The following TNRC18 variants were observed in gnomAD, a reference collection of about 807,000 sequenced individuals.
TNRC18 encodes trinucleotide repeat-containing gene 18 protein.
Under a neutral mutation model 226.7 loss-of-function variants are expected in TNRC18, and 69 were observed. The ratio of observed to expected loss-of-function variants is 0.30; its 90% CI spans 0.25 to 0.37. TNRC18 has a LOEUF of 0.37. Ranked by LOEUF, TNRC18 falls within the 10% of genes least tolerant of loss-of-function variation. The pLI is 1.00. For missense variants in TNRC18, 4,754 were observed against 4,256.6 expected, an observed-to-expected ratio of 1.12 and a Z score of -3.25; for synonymous variants, 2,449 against 1,927.6, an observed-to-expected ratio of 1.27 and a Z score of -7.09.
At chr7:5,363,359 T>C (rs549000944) in intron 11 of TNRC18, among the ~76,000 whole-genome samples, 1 of 151,942 alleles carries the variant, frequency 6.6e-6, no homozygotes, top group South Asian at 2.1e-4. Flanking sequence ...TCCCAGCACT[T>C]TGGGAGGCCG....
At chr7:5,326,118 G>A (rs1788891318) in intron 19 of TNRC18, among the ~76,000 whole-genome samples, 1 of 152,014 alleles carries the variant, frequency 6.6e-6, no homozygotes, top group African/African-American at 2.4e-5. Flanking sequence ...TTCCTCTCCA[G>A]TGACCCTCCT....
At chr7:5,320,456 T>C (rs1190012363) in intron 23 of TNRC18, 30 bp from the exon 24 acceptor site, 1 of 1,563,872 alleles carries the variant, frequency 6.4e-7, no homozygotes, top group African/African-American at 1.4e-5. Context: ...GTGCAAGGTG[T>C]GGACACAGTT....
In TNRC18 at chr7:5,308,106, T is replaced by C; in HGVS notation, c.8907A>G (p.Ter2969TrpextTer136). Residue 2969 changes from the stop codon to tryptophan, a stop_lost, in exon 30 of 30, where the codon TGA (stop) becomes TGG (tryptophan). Coordinates refer to ENST00000430969, the MANE Select transcript of TNRC18 (RefSeq NM_001080495.3). ...AGGTGGCCCGCAGGGCCCGGCGGGC[T>C]CAGCAGAGCACGGGCACGCCGTCCG... Reference protein sequence around the residue: ...FSTDGVPVLC* With the variant: ...FSTDGVPVLCW 6.5e-7 allele frequency: 1 copy of C among 1,548,996 alleles called. No individual in the cohort carries two copies. Among genetic ancestry groups the C allele is most frequent in the East Asian group, 2.4e-5 (1 of 40,906 alleles).
rs1176015086 is a variant in TNRC18, at chr7:5,313,255, T to C, written c.7636A>G (p.Lys2546Glu). ...GCCCCGTCCTGCTCAGCCTGGGCCT[T>C]GTCTGGGCTCTTGGGGTTCCCAGAG... The part of the protein sequence containing the change: ...EDSGNPKSPD[K>E]AQAEQDGAEE... Residue 2546 changes from lysine (K) to glutamate (E), a missense_variant, in exon 27 of 30, where the codon AAG becomes GAG. By Grantham distance (56) the Lys-to-Glu change is moderately conservative. Transcript: ENST00000430969. 6 of 1,548,836 alleles carry C rather than the reference T, an allele frequency of 3.9e-6. No individual in the cohort carries two copies. The highest frequency in any genetic ancestry group is 4.4e-6 in the Non-Finnish European group (5 of 1,146,646).
chr7:5,389,461 G>GTTTTGTTTTTTTTTTTTTTTTTTTTT (rs1554297478), intron 4 of TNRC18, 125 bp from the exon 5 acceptor site: 1 of 519,650 alleles, frequency 1.9e-6, no homozygotes, highest in African/African-American at 2.8e-5. Context: ...TTTGGTTTTG[G>GTTTTGTTTTTTTTTTTTTTTTTTTTT]TTTTTTTTTT....
At chr7:5,363,868 AGAC>A (rs1457792522) in intron 11 of TNRC18, among the ~76,000 whole-genome samples, 1 of 149,798 alleles carries the variant, frequency 6.7e-6, no homozygotes, top group East Asian at 1.9e-4. Context: ...TAAAAAAAAA[AGAC>A]AGCCCGCTTC....
In TNRC18 at chr7:5,309,156, C is replaced by A; in HGVS notation, c.8601G>T (p.Pro2867=). The A allele has an allele frequency of 6.2e-7, 1 of 1,611,286 alleles. No homozygotes were observed. The highest frequency in any genetic ancestry group is 8.5e-7 in the Non-Finnish European group (1 of 1,179,318). The part of the protein sequence containing the change: ...KWFYHPEETS[P]GKQFHQGQHW... Reference sequence around the variant, plus strand: ...CCTGGCCCTGGTGGAACTGCTTGCCCGGGCTGGTCTCCTCGGGGTGGTAGA... The same window carrying A: ...CCTGGCCCTGGTGGAACTGCTTGCCAGGGCTGGTCTCCTCGGGGTGGTAGA... The change falls in exon 28 of 30, where the codon CCG becomes CCT. Residue 2867 remains proline (P), a synonymous_variant. Coordinates refer to ENST00000430969, the MANE Select transcript of TNRC18 (RefSeq NM_001080495.3). The surrounding 1 kb of genome is among the most constrained non-coding windows in gnomAD (Gnocchi z 5.7).
chr7:5,360,644 T>A (rs763456531), intron 14 of TNRC18, among the ~76,000 whole-genome samples: 1 of 152,102 alleles, frequency 6.6e-6, no homozygotes, highest in Non-Finnish European at 1.5e-5. Flanking sequence ...ATTTAACCAG[T>A]GCAGGCCACA....
Position 5,388,688 on chromosome 7 carries a change from T to C in TNRC18, c.1136A>G (p.Glu379Gly). The C allele has an allele frequency of 7.9e-7, 1 of 1,267,120 alleles. No homozygotes were observed. Among genetic ancestry groups the C allele is most frequent in the South Asian group, 2.1e-5 (1 of 47,824 alleles). The allele number at this position is 1,267,120 out of a possible 1,614,324, so 78.5% of individuals were successfully genotyped here. Reference protein sequence around the residue: ...VVAPTFVPSVEAFDERPGPIQ... With the variant: ...VVAPTFVPSVGAFDERPGPIQ... The stretch of plus-strand genomic sequence containing the variant: ...GGGCCCCGGGCGCTCGTCGAAGGCC[T>C]CCACGGAAGGCACGAAGGTGGGCGC... The change falls in exon 5 of 30, where the codon GAG becomes GGG. Residue 379 changes from glutamate to glycine, a missense_variant. Glu to Gly is a moderately conservative substitution (Grantham distance 98, BLOSUM62 -2). Transcript: ENST00000430969.
At chr7:5,396,170 CAAAAA>C (rs1279583174) in intron 2 of TNRC18, among the ~76,000 whole-genome samples, 1 of 52,352 alleles carries the variant, frequency 1.9e-5, no homozygotes, top group African/African-American at 6.3e-5. Context: ...GACTCTGTCT[CAAAAA>C]AAAAAAAAAA....
intron 11 of TNRC18, among the ~76,000 whole-genome samples, chr7:5,366,632 T>C (rs1327208013): frequency 6.6e-6 from 1 of 152,130 alleles, no homozygotes. Context: ...CCGCTCTTCT[T>C]ATATCTTTAG....
Position 5,307,573 on chromosome 7 carries a change from G to T in TNRC18, c.*533C>A. 1 of 449,626 alleles carries T rather than the reference G, an allele frequency of 2.2e-6. No homozygotes were observed. The highest frequency in any genetic ancestry group is 4.5e-6 in the Non-Finnish European group (1 of 224,016). 27.9% of individuals were successfully genotyped at this position (449,626 alleles called of 1,614,324 possible). On this transcript the variant is annotated 3_prime_UTR_variant, in exon 30 of 30. Coordinates refer to ENST00000430969, the MANE Select transcript of TNRC18 (RefSeq NM_001080495.3). ...CCCAAGTCTAGGCCATCCTGAGAGGGTGGGGGCAGGGCCCCTGGCACAGTC... is the reference window on the plus strand; with the variant it reads ...CCCAAGTCTAGGCCATCCTGAGAGGTTGGGGGCAGGGCCCCTGGCACAGTC...
chr7:5,312,773 C>G lies in TNRC18; in HGVS notation c.8118G>C (p.Gln2706His), dbSNP rs776455304. The part of the protein sequence containing the change: ...QAALPTKATK[Q>H]AGKARPSAHS... ...GGGCCGAGGGCCGCGCCTTGCCGGC[C>G]TGCTTGGTGGCCTTGGTGGGGAGCG... Residue 2706 changes from glutamine (Q) to histidine (H), a missense_variant, in exon 27 of 30, where the codon CAG becomes CAC. By Grantham distance (24) the Gln-to-His change is conservative (BLOSUM62 0). Coordinates refer to ENST00000430969, the MANE Select transcript of TNRC18 (RefSeq NM_001080495.3). This position sits in a 1 kb window ranked among gnomAD's most constrained non-coding sequence, Gnocchi z 6.3. The G allele has an allele frequency of 6.5e-7, 1 of 1,533,524 alleles. No homozygotes were observed. The highest frequency in any genetic ancestry group is 2.1e-5 in the Admixed American group (1 of 47,238). The allele number at this position is 1,533,524 out of a possible 1,614,324, so 95.0% of individuals were successfully genotyped here.
chr7:5,346,345 G>A (rs1028718795), intron 17 of TNRC18, among the ~76,000 whole-genome samples: 3 of 152,124 alleles, frequency 2.0e-5, no homozygotes, highest in Non-Finnish European at 4.4e-5. Context: ...CTTCCTGGGG[G>A]CCAGGGGACC....
chr7:5,322,835 T>C (rs1788514100), intron 21 of TNRC18, among the ~76,000 whole-genome samples: 1 of 152,230 alleles, frequency 6.6e-6, no homozygotes, highest in South Asian at 2.1e-4. Context: ...GTATCCCTGC[T>C]GTGCCTGCCT....
intron 24 of TNRC18, among the ~76,000 whole-genome samples, chr7:5,319,334 G>A (rs1356602104): frequency 6.6e-6 from 1 of 152,176 alleles, no homozygotes; most frequent in Non-Finnish European, 1.5e-5. Context: ...TGGCATGTGA[G>A]TGGGCTTTTT....
chr7:5,337,481 CA>C (rs35118676), intron 18 of TNRC18, among the ~76,000 whole-genome samples: 94 of 140,644 alleles, frequency 6.7e-4, no homozygotes, highest in South Asian at 1.4e-3. Context: ...GAGACTGTTT[CA>C]AAAAAAAAAA....
At position 5,346,590 on chromosome 7, in the gene TNRC18, C is replaced by T. The variant is rs552614553; in HGVS notation, c.5471-780G>A. On this transcript the variant is annotated intron_variant, in intron 17 of 29. Transcript: ENST00000430969. ...TTGGGAGGCCGAGGCAGGAGGATCACTTGAGCCCAGGAGTTCCAGACCAGC... is the reference window on the plus strand; with the variant it reads ...TTGGGAGGCCGAGGCAGGAGGATCATTTGAGCCCAGGAGTTCCAGACCAGC... 7.3e-4 allele frequency among the ~76,000 whole-genome samples: 111 copies of T among 152,316 alleles called. 1 individual carries two copies. Among genetic ancestry groups the T allele is most frequent in the Non-Finnish European group, 1.1e-3 (76 of 68,002 alleles).
rs917603265 is a variant in TNRC18 at position 5,343,869 on chromosome 7, A to G, written c.5719+1693T>C. On this transcript the variant is annotated intron_variant, in intron 18 of 29. Transcript: ENST00000430969. Reference sequence around the variant, plus strand: ...CATTCACGTGACTTGCTTTACTGTGATATTCGCTTTATGGTTTGGAAGCAA... The same window carrying G: ...CATTCACGTGACTTGCTTTACTGTGGTATTCGCTTTATGGTTTGGAAGCAA... Among the ~76,000 whole-genome samples the G allele has an allele frequency of 5.1e-4, 78 of 152,228 alleles. 1 individual carries two copies. Among genetic ancestry groups the G allele is most frequent in the Admixed American group, 2.0e-4 (3 of 15,278 alleles).
Sources: allele counts gnomAD v4.1 joint callset (sites outside exome capture counted in the v4.1 genomes callset), GRCh38; gene constraint gnomAD v4.1.1; non-coding constraint Gnocchi (gnomAD v3.1); transcripts MANE v1.5; gene names NCBI Gene and HGNC (gene_info 2026-07-23, HGNC 2026-07-21).